The following MTUS1 variants were observed in gnomAD, a reference collection of about 807,000 sequenced individuals.
MTUS1 encodes microtubule associated scaffold protein 1, also known as microtubule-associated tumor suppressor 1.
A neutral mutation model predicts 120.8 loss-of-function variants in MTUS1; 109 were observed. That is an observed-to-expected ratio of 0.90 (90% confidence interval 0.77 to 1.06). The LOEUF (loss-of-function observed/expected upper bound fraction) is 1.06. Ranked by LOEUF, MTUS1 falls within the 50% of genes least tolerant of loss-of-function variation. The pLI is 0.00. For missense variants in MTUS1, 2,210 were observed against 1,486.3 expected (o/e 1.49, Z -8.01); for synonymous variants, 737 against 550.5 (o/e 1.34, Z -4.74).
At chr8:17,653,536 T>C in intron 10 of MTUS1, 38 bp from the exon 11 acceptor site, 1 of 1,432,466 alleles carries the variant, frequency 7.0e-7, no homozygotes, top group Middle Eastern at 2.1e-4. Flanking sequence ...GCAATAACAT[T>C]CTATGAGATC....
chr8:17,770,544 T>C (rs2049947219), intron 1 of MTUS1: 1 of 152,206 alleles, frequency 6.6e-6, no homozygotes, highest in Admixed American at 6.5e-5. Flanking sequence ...TCAGAGACTG[T>C]CTTTTTCATG....
intron 1 of MTUS1, among the ~76,000 whole-genome samples, chr8:17,777,100 C>CT (rs1235902666): frequency 2.6e-5 from 4 of 152,114 alleles, no homozygotes; most frequent in African/African-American, 7.2e-5. Flanking sequence ...ACACTTAAGT[C>CT]TAACAGTATG....
Position 17,656,082 on chromosome 8 carries a change from A to C in MTUS1, c.2906-17T>G, listed in dbSNP as rs567803585. ...AAGCAGTGACTGAAAACAGAGGAGAAAGAAGAGGGAAGAGGTCATTTTATT... is the reference window on the plus strand; with the variant it reads ...AAGCAGTGACTGAAAACAGAGGAGACAGAAGAGGGAAGAGGTCATTTTATT... On this transcript the variant is annotated splice_polypyrimidine_tract_variant and intron_variant, in intron 8 of 14. Coordinates refer to ENST00000693296, the MANE Select transcript of MTUS1 (RefSeq NM_001363059.2). 86 of 1,610,436 alleles carry C rather than the reference A, an allele frequency of 5.3e-5. No homozygotes were observed. The East Asian group carries it at 1.9e-3, about 35-fold the overall frequency.
At chr8:17,747,053 T>C (rs1395053769) in intron 2 of MTUS1, among the ~76,000 whole-genome samples, 1 of 152,182 alleles carries the variant, frequency 6.6e-6, no homozygotes, top group Admixed American at 6.5e-5. Context: ...AATTCATCTT[T>C]TATCTGCCTG....
chr8:17,768,670 G>T (rs1449492986), intron 1 of MTUS1, among the ~76,000 whole-genome samples: 1 of 152,038 alleles, frequency 6.6e-6, no homozygotes, highest in Non-Finnish European at 1.5e-5. Flanking sequence ...TATACAAACA[G>T]TCAAAAATTA....
intron 6 of MTUS1, among the ~76,000 whole-genome samples, chr8:17,706,670 T>G (rs567400342): frequency 6.6e-6 from 1 of 152,214 alleles, no homozygotes; most frequent in African/African-American, 2.4e-5. Flanking sequence ...TGTGATTTCC[T>G]GATACTACTT....
chr8:17,695,995 TA>T (rs1158350439), intron 6 of MTUS1, among the ~76,000 whole-genome samples: 1 of 152,160 alleles, frequency 6.6e-6, no homozygotes, highest in Non-Finnish European at 1.5e-5. Context: ...ACAGTATTTT[TA>T]AAAGAACTCT....
Position 17,755,215 on chromosome 8 carries a change from C to G in MTUS1, c.593G>C (p.Gly198Ala). The change falls in exon 2 of 15, where the codon GGA becomes GCA. Residue 198 changes from glycine (G) to alanine (A), a missense_variant. Coordinates refer to ENST00000693296, the MANE Select transcript of MTUS1 (RefSeq NM_001363059.2). ...GSLPPTGRRS[G>A]STSSLSYSTW... ...GGAATAGGATAAAGAAGATGTACTT[C>G]CACTTCTCCTACCAGTTGGTGGCAG... 1 of 1,614,172 alleles carries G rather than the reference C, an allele frequency of 6.2e-7. No homozygotes were observed.
At chr8:17,673,994 T>C (rs2130633452) in intron 8 of MTUS1, among the ~76,000 whole-genome samples, 1 of 152,162 alleles carries the variant, frequency 6.6e-6, no homozygotes, top group African/African-American at 2.4e-5. Context: ...CACAGAAAAC[T>C]GCAAAGGGCA....
intron 1 of MTUS1, among the ~76,000 whole-genome samples, chr8:17,799,420 T>A (rs118034617): frequency 0.022 from 3,336 of 152,192 alleles, 62 homozygotes; most frequent in South Asian, 0.037. Context: ...TAAAAAATTT[T>A]TCTATATATT....
At chr8:17,785,596 C>G (rs1416174619) in intron 1 of MTUS1, among the ~76,000 whole-genome samples, 1 of 152,202 alleles carries the variant, frequency 6.6e-6, no homozygotes, top group Non-Finnish European at 1.5e-5. Flanking sequence ...GCATAAAGAA[C>G]ATTCCTTTAG....
At chr8:17,704,919 C>A (rs889891586) in intron 6 of MTUS1, among the ~76,000 whole-genome samples, 3 of 152,180 alleles carry the variant, frequency 2.0e-5, no homozygotes, top group African/African-American at 7.2e-5. Context: ...GAGCTCTACA[C>A]AGAGTATGTG....
intron 3 of MTUS1, among the ~76,000 whole-genome samples, chr8:17,742,313 G>A (rs1314815304): frequency 8.9e-5 from 8 of 90,270 alleles, no homozygotes; most frequent in African/African-American, 2.8e-4. Flanking sequence ...TTTTTTTTTA[G>A]AGATAGTGTC....
chr8:17,651,078 A>G (rs1806881509), intron 12 of MTUS1, among the ~76,000 whole-genome samples: 1 of 152,174 alleles, frequency 6.6e-6, no homozygotes, highest in Non-Finnish European at 1.5e-5. Context: ...CTACTCAGGA[A>G]AGATCAGGAA....
intron 4 of MTUS1, chr8:17,723,389 C>G: frequency 2.2e-6 from 1 of 458,706 alleles, no homozygotes; most frequent in Non-Finnish European, 4.0e-6. Flanking sequence ...CAGTTAGAGT[C>G]CAAATCCCCT....
In MTUS1 at chr8:17,723,808, T is replaced by C. The variant is rs2046008000; in HGVS notation, c.2313A>G (p.Ala771=). 2 of 1,597,976 alleles carry C rather than the reference T, an allele frequency of 1.3e-6. No homozygotes were observed. The highest frequency in any genetic ancestry group is 4.5e-5 in the East Asian group (2 of 44,758). The change falls in exon 4 of 15, where the codon GCA becomes GCG. Residue 771 remains alanine (A), a synonymous_variant. Transcript: ENST00000693296. ...TAGGCAAATTCACCCATGACGACTG[T>C]GCAGTTTTCAAGGATGTAGGCTTTC... ...SSGKPTSLKT[A]QSSWVNLPRP...
Position 17,655,949 on chromosome 8 carries a change from T to C in MTUS1, c.3022A>G (p.Lys1008Glu). The change falls in exon 9 of 15, where the codon AAA (lysine) becomes GAA (glutamate). Residue 1008 changes from lysine (K) to glutamate (E), a missense_variant. Lys to Glu is a moderately conservative substitution (Grantham distance 56). Coordinates refer to ENST00000693296, the MANE Select transcript of MTUS1 (RefSeq NM_001363059.2). Reference protein sequence around the residue: ...AEKTERENRLKEFYTREYEKL... With the variant: ...AEKTERENRLEEFYTREYEKL... ...TCATACTCCCTGGTGTAAAACTCTTTAAGCCGATTCTCTCGTTCTGTTTTT... is the reference window on the plus strand; with the variant it reads ...TCATACTCCCTGGTGTAAAACTCTTCAAGCCGATTCTCTCGTTCTGTTTTT... 6.2e-7 allele frequency: 1 copy of C among 1,614,242 alleles called. No homozygotes were observed. The highest frequency in any genetic ancestry group is 1.1e-5 in the South Asian group (1 of 91,082).
chr8:17,726,211 T>C (rs1335305419), intron 3 of MTUS1, among the ~76,000 whole-genome samples: 1 of 152,176 alleles, frequency 6.6e-6, no homozygotes, highest in Non-Finnish European at 1.5e-5. Flanking sequence ...AATCACCACC[T>C]GCAGTTTCAC....
At position 17,742,298 on chromosome 8, in the gene MTUS1, T is replaced by G. The variant is rs1446072888; in HGVS notation, c.2287+1306A>C. Among the ~76,000 whole-genome samples the G allele has an allele frequency of 5.8e-4, 82 of 140,370 alleles. 3 individuals carry two copies. The highest frequency in any genetic ancestry group is 1.9e-3 in the South Asian group (8 of 4,286). 92.1% of individuals were successfully genotyped at this position (140,370 alleles called of 152,430 possible). ...TTTTTTTTTGTTGTTGTTGTTTTTT[T>G]TTTTTTTTTTTTTAGAGATAGTGTC... On this transcript the variant is annotated intron_variant, in intron 3 of 14. Coordinates refer to ENST00000693296, the MANE Select transcript of MTUS1 (RefSeq NM_001363059.2).
Sources: allele counts gnomAD v4.1 joint callset (sites outside exome capture counted in the v4.1 genomes callset), GRCh38; gene constraint gnomAD v4.1.1; transcripts MANE v1.5; gene names NCBI Gene and HGNC (gene_info 2026-07-23, HGNC 2026-07-21).